Variants in PLPPR1 observed in about 807,000 individuals in gnomAD.
PLPPR1 encodes phospholipid phosphatase-related protein type 1.
PLPPR1 carries 10 observed loss-of-function variants against 33.1 expected under a neutral mutation model. The ratio of observed to expected loss-of-function variants is 0.30; its 90% CI spans 0.19 to 0.51. PLPPR1 has a LOEUF of 0.51. Ranked by LOEUF, PLPPR1 falls within the 20% of genes least tolerant of loss-of-function variation. PLPPR1 has a pLI of 0.97. For missense variants in PLPPR1, 304 were observed against 408.1 expected (o/e 0.74, Z 2.20); for synonymous variants, 151 against 151.0 (o/e 1.00, Z 0.00).
intron 1 of PLPPR1, among the ~76,000 whole-genome samples, chr9:101,041,409 C>G (rs1302616736): frequency 1.3e-5 from 2 of 152,138 alleles, no homozygotes; most frequent in Non-Finnish European, 2.9e-5. Context: ...AAATGCGACA[C>G]AGATTAAGGA....
intron 2 of PLPPR1, among the ~76,000 whole-genome samples, chr9:101,214,949 G>T (rs990917389): frequency 6.6e-6 from 1 of 151,606 alleles, no homozygotes; most frequent in African/African-American, 2.4e-5. Flanking sequence ...CCTGAACCTG[G>T]GAGGCAGACG....
chr9:101,043,521 C>G (rs1485750203), intron 1 of PLPPR1, among the ~76,000 whole-genome samples: 1 of 151,598 alleles, frequency 6.6e-6, no homozygotes, highest in Non-Finnish European at 1.5e-5. Flanking sequence ...ATATCAGTCA[C>G]AGTTTCTTTA....
chr9:101,113,984 A>G (rs1196390188), intron 1 of PLPPR1, among the ~76,000 whole-genome samples: 2 of 152,170 alleles, frequency 1.3e-5, no homozygotes, highest in Non-Finnish European at 2.9e-5. Context: ...ATGAGGAAGC[A>G]CAGATAAGGA....
At position 101,278,060 on chromosome 9, in the gene PLPPR1, C is replaced by G. The variant is rs1336658354; in HGVS notation, c.252+7992C>G. On this transcript the variant is annotated intron_variant, in intron 3 of 7. Coordinates refer to ENST00000374874, the MANE Select transcript of PLPPR1 (RefSeq NM_207299.2). The stretch of plus-strand genomic sequence containing the variant: ...GAAACAGCAAAAACTTTGATATCAC[C>G]CAGTACTAGAGCCACAACTAGCATA... Among the ~76,000 whole-genome samples, 3 of 152,260 alleles carry G rather than the reference C, an allele frequency of 2.0e-5. No individual in the cohort carries two copies. In the East Asian group the frequency reaches 5.8e-4, roughly 29 times the overall value.
At chr9:101,033,655 A>G (rs977844594) in intron 1 of PLPPR1, among the ~76,000 whole-genome samples, 1 of 152,222 alleles carries the variant, frequency 6.6e-6, no homozygotes, top group African/African-American at 2.4e-5. Flanking sequence ...AGGAGTGCTC[A>G]GACTTCACAG....
intron 1 of PLPPR1, among the ~76,000 whole-genome samples, chr9:101,181,834 T>C (rs2118710593): frequency 6.8e-6 from 1 of 148,044 alleles, no homozygotes; most frequent in East Asian, 2.0e-4. Flanking sequence ...CTAGGTAGTA[T>C]ATATATAGTG....
Position 101,193,382 on chromosome 9 carries a change from T to C in PLPPR1, c.63+7825T>C, listed in dbSNP as rs181890059. Among the ~76,000 whole-genome samples, 122 of 152,208 alleles carry C rather than the reference T, an allele frequency of 8.0e-4. 1 individual carries two copies. Among genetic ancestry groups the C allele is most frequent in the Non-Finnish European group, 1.5e-3 (100 of 68,006 alleles). ...AGATAATAAAGACCCAATCTGACTCTGGGAGTGGGGCGGGAAATACAAATC... is the reference window on the plus strand; with the variant it reads ...AGATAATAAAGACCCAATCTGACTCCGGGAGTGGGGCGGGAAATACAAATC... On this transcript the variant is annotated intron_variant, in intron 2 of 7. Transcript: ENST00000374874.
chr9:101,029,774 G>T lies in PLPPR1; in HGVS notation c.-46+672G>T, dbSNP rs534718770. ...ACAGGCTTGCCATAATCACCTCCTA[G>T]AACGGAGGACGCTAGGATCTCTCCT... On this transcript the variant is annotated intron_variant, in intron 1 of 7. Coordinates refer to ENST00000374874, the MANE Select transcript of PLPPR1 (RefSeq NM_207299.2). 3.3e-5 allele frequency among the ~76,000 whole-genome samples: 5 copies of T among 152,242 alleles called. 1 individual carries two copies. In the South Asian group the frequency reaches 1.0e-3, roughly 32 times the overall value.
At chr9:101,254,555 T>A (rs1444449571) in intron 2 of PLPPR1, among the ~76,000 whole-genome samples, 1 of 152,128 alleles carries the variant, frequency 6.6e-6, no homozygotes, top group Admixed American at 6.6e-5. Context: ...TAGATTATAC[T>A]ACATAGGGTG....
intron 1 of PLPPR1, among the ~76,000 whole-genome samples, chr9:101,062,799 T>C (rs761528318): frequency 1.2e-4 from 18 of 152,010 alleles, no homozygotes; most frequent in Admixed American, 6.6e-4. Flanking sequence ...TATCATATGG[T>C]GTAAGTGCTT....
intron 1 of PLPPR1, among the ~76,000 whole-genome samples, chr9:101,177,310 G>A (rs1293156669): frequency 1.3e-5 from 2 of 152,052 alleles, no homozygotes; most frequent in African/African-American, 4.8e-5. Context: ...ACTGTTTTCA[G>A]TGCAGATATT....
intron 2 of PLPPR1, among the ~76,000 whole-genome samples, chr9:101,250,933 A>G (rs1362996633): frequency 6.6e-6 from 1 of 151,886 alleles, no homozygotes; most frequent in Non-Finnish European, 1.5e-5. Flanking sequence ...CTGCAGGTCT[A>G]TTCTTGTCAT....
chr9:101,030,793 G>A (rs1490245544), intron 1 of PLPPR1, among the ~76,000 whole-genome samples: 1 of 151,910 alleles, frequency 6.6e-6, no homozygotes, highest in African/African-American at 2.4e-5. Flanking sequence ...CTGCTGCTTG[G>A]GATGGGGACC....
rs147061581 is a variant in PLPPR1, at chr9:101,188,233, T to C, written c.63+2676T>C. Among the ~76,000 whole-genome samples, 213 of 152,246 alleles carry C rather than the reference T, an allele frequency of 1.4e-3. 1 individual carries two copies. The highest frequency in any genetic ancestry group is 4.5e-3 in the African/African-American group (185 of 41,570). ...GAAAATATTCTTATTTTTGTCTCTT[T>C]GTGCATATATGCAAGAGCTCTCTTA... On this transcript the variant is annotated intron_variant, in intron 2 of 7. Coordinates refer to ENST00000374874, the MANE Select transcript of PLPPR1 (RefSeq NM_207299.2).
chr9:101,151,520 T>C (rs1022222886), intron 1 of PLPPR1, among the ~76,000 whole-genome samples: 8 of 152,348 alleles, frequency 5.3e-5, no homozygotes, highest in Middle Eastern at 3.4e-3. Context: ...TCTAGAATCA[T>C]ACAGAATAGC....
At chr9:101,127,669 G>A (rs1350554761) in intron 1 of PLPPR1, among the ~76,000 whole-genome samples, 4 of 152,178 alleles carry the variant, frequency 2.6e-5, no homozygotes, top group Non-Finnish European at 4.4e-5. Flanking sequence ...TCCAAGCTAC[G>A]AGGGATTTTA....
intron 1 of PLPPR1, among the ~76,000 whole-genome samples, chr9:101,143,730 A>G (rs953877011): frequency 1.3e-5 from 2 of 152,220 alleles, no homozygotes; most frequent in Non-Finnish European, 2.9e-5. Context: ...CCACAATGAG[A>G]TACCATCTCA....
At chr9:101,064,321 GA>G (rs1830382290) in intron 1 of PLPPR1, among the ~76,000 whole-genome samples, 1 of 151,854 alleles carries the variant, frequency 6.6e-6, no homozygotes, top group South Asian at 2.1e-4. Flanking sequence ...ACCTGGCTCA[GA>G]GTTTCTCATG....
At chr9:101,317,802 G>A (rs1829083809) in intron 7 of PLPPR1, among the ~76,000 whole-genome samples, 1 of 152,048 alleles carries the variant, frequency 6.6e-6, no homozygotes. Context: ...TAATCATATG[G>A]AAAAAAGCAA....
Sources: allele counts gnomAD v4.1 joint callset (sites outside exome capture counted in the v4.1 genomes callset), GRCh38; gene constraint gnomAD v4.1.1; transcripts MANE v1.5; gene names NCBI Gene and HGNC (gene_info 2026-07-23, HGNC 2026-07-21).